Variants in SPON2 observed in about 807,000 individuals in gnomAD.
SPON2 encodes the protein spondin 2.
SPON2 carries 32 observed loss-of-function variants against 29.9 expected under a neutral mutation model. That is an observed-to-expected ratio of 1.07 (90% CI 0.81 to 1.44). The LOEUF (loss-of-function observed/expected upper bound fraction) is 1.44. SPON2 is among the 40% of genes most tolerant of loss of function. The pLI is 0.00. For missense variants in SPON2, 541 were observed against 455.5 expected, an observed-to-expected ratio of 1.19 and a Z score of -1.71; for synonymous variants, 248 against 209.1, an observed-to-expected ratio of 1.19 and a Z score of -1.61.
upstream of SPON2, among the ~76,000 whole-genome samples, chr4:1,177,915 C>G (rs13435166): frequency 0.16 from 24,100 of 152,248 alleles, 2,351 homozygotes; most frequent in African/African-American, 0.28. Flanking sequence ...TTCTGGCTCC[C>G]CCAAGGGACC....
intron 1 of SPON2, among the ~76,000 whole-genome samples, chr4:1,180,557 C>A (rs544357205): frequency 5.8e-4 from 88 of 152,302 alleles, no homozygotes; most frequent in Middle Eastern, 6.8e-3. Context: ...AGACAAGATG[C>A]TGGATGTACC....
At chr4:1,169,591 G>A (rs1229979280) in intron 5 of SPON2, among the ~76,000 whole-genome samples, 1 of 152,188 alleles carries the variant, frequency 6.6e-6, no homozygotes, top group Non-Finnish European at 1.5e-5. Flanking sequence ...CATGGCTTGG[G>A]GGGCAGGTGT....
chr4:1,176,564 TCATTCAAGCATCCATTCACACAGTA>T (rs1428514294), upstream of SPON2, among the ~76,000 whole-genome samples: 6 of 151,202 alleles, frequency 4.0e-5, no homozygotes, highest in African/African-American at 1.2e-4. Flanking sequence ...CACAGTACAT[TCATTCAAGCATCCATTCACACAGTA>T]CATTCAATCA....
Position 1,171,928 on chromosome 4 carries a change from C to G in SPON2, c.144G>C (p.Thr48=), listed in dbSNP as rs752176272. 4 of 1,612,746 alleles carry G rather than the reference C, an allele frequency of 2.5e-6. No individual in the cohort carries two copies. Among genetic ancestry groups the G allele is most frequent in the Admixed American group, 1.7e-5 (1 of 60,006 alleles). ...RALAKYSITF[T]GKWSQTAFPK... ...GGAAGGCCGTCTGGCTCCACTTGCC[C>G]GTGAAGGTGATGCTGTATTTGGCCA... is the stretch of plus-strand genomic sequence containing the variant. The change falls in exon 2 of 6, where the codon ACG becomes ACC. Residue 48 remains threonine, a synonymous_variant. Transcript: ENST00000290902.
chr4:1,170,345 G>A (rs1727382722), intron 5 of SPON2, 57 bp downstream of exon 5: 15 of 1,540,750 alleles, frequency 9.7e-6, no homozygotes, highest in East Asian at 2.3e-5. Context: ...TTTGGTGGTC[G>A]CCCTGTGGCA....
chr4:1,169,070 GCA>G, intron 5 of SPON2, among the ~76,000 whole-genome samples: 1 of 152,116 alleles, frequency 6.6e-6, no homozygotes, highest in Admixed American at 6.5e-5. Context: ...AGAGCTCATA[GCA>G]CAGTCTCTCC....
intron 1 of SPON2, chr4:1,200,999 C>T (rs754189180): frequency 5.3e-5 from 24 of 456,644 alleles, no homozygotes; most frequent in Non-Finnish European, 8.8e-5. Context: ...TGGCCCCTCC[C>T]GTGTGGACTG....
rs1727272968 is a variant in SPON2, at chr4:1,167,398, G to A, written c.*74C>T. On this transcript the variant is annotated 3_prime_UTR_variant, in exon 6 of 6. Transcript: ENST00000290902. Reference sequence around the variant, plus strand: ...AAACCCCCTGTGCCCTCGGCCGCCTGCAGCATGAGCCTGCACAGGAGCCCC... The same window carrying A: ...AAACCCCCTGTGCCCTCGGCCGCCTACAGCATGAGCCTGCACAGGAGCCCC... The A allele has an allele frequency of 1.2e-5, 17 of 1,468,028 alleles. No homozygotes were observed. The highest frequency in any genetic ancestry group is 1.5e-5 in the Non-Finnish European group (16 of 1,086,372). The allele number at this position is 1,468,028 out of a possible 1,614,324, so 90.9% of individuals were successfully genotyped here.
intron 1 of SPON2, among the ~76,000 whole-genome samples, chr4:1,184,184 G>T (rs1203287159): frequency 6.6e-6 from 1 of 152,106 alleles, no homozygotes; most frequent in African/African-American, 2.4e-5. Flanking sequence ...GCCCAGGCTG[G>T]TTTCAAACTC....
At chr4:1,167,697 G>A (rs768023939) in intron 5 of SPON2, 41 bp from the exon 6 acceptor site, 11 of 1,537,888 alleles carry the variant, frequency 7.2e-6, no homozygotes, top group Admixed American at 2.0e-5. Flanking sequence ...ACGCTCGCGT[G>A]AAGAGGCGCT....
chr4:1,195,088 C>CCTCACCTCACAGCCGGCGGT (rs1728032264), exon 1 of SPON2: 26 of 66,554 alleles, frequency 3.9e-4, no homozygotes, highest in Non-Finnish European at 5.2e-4. Context: ...CAGCCGGCGG[C>CCTCACCTCACAGCCGGCGGT]TCCAACCCCG....
intron 5 of SPON2, chr4:1,169,659 G>A (rs28486095): frequency 0.011 from 1,685 of 152,588 alleles, 24 homozygotes; most frequent in African/African-American, 0.032. Flanking sequence ...GGAGGACGAC[G>A]GGGCCCATGG....
chr4:1,207,807 A>C (rs1213128155), intron 1 of SPON2: 1 of 154,146 alleles, frequency 6.5e-6, no homozygotes, highest in African/African-American at 2.4e-5. Context: ...GCCCGTTTGA[A>C]GGTCGGGTCA....
At position 1,167,049 on chromosome 4, in the gene SPON2, G is replaced by A. The variant is rs906433121; in HGVS notation, c.*423C>T. ...TCTCAAGTGGCCCCCGCTTGGATGC[G>A]CCCTCGGGAGAGTGGGCTCAGCACA... On this transcript the variant is annotated 3_prime_UTR_variant, in exon 6 of 6. Coordinates refer to ENST00000290902, the MANE Select transcript of SPON2 (RefSeq NM_012445.4). 13 of 164,930 alleles carry A rather than the reference G, an allele frequency of 7.9e-5. No individual in the cohort carries two copies. Among genetic ancestry groups the A allele is most frequent in the African/African-American group, 2.6e-4 (11 of 41,922 alleles). 10.2% of individuals were successfully genotyped at this position (164,930 alleles called of 1,614,324 possible).
At chr4:1,170,136 A>T (rs1391647221) in intron 5 of SPON2, 2 of 422,566 alleles carry the variant, frequency 4.7e-6, no homozygotes, top group Non-Finnish European at 4.2e-6. Flanking sequence ...GACAGGACAG[A>T]GTCTCTCAGG....
At chr4:1,197,873 A>G (rs1728103384), upstream of SPON2, among the ~76,000 whole-genome samples, 1 of 152,080 alleles carries the variant, frequency 6.6e-6, no homozygotes, top group Admixed American at 6.6e-5. Context: ...ATATAGTGAA[A>G]CCGTGTCTTT....
rs1312863277 is a variant in SPON2 at position 1,171,882 on chromosome 4, G to T, written c.190C>A (p.Arg64Ser). 2 of 1,612,850 alleles carry T rather than the reference G, an allele frequency of 1.2e-6. No individual in the cohort carries two copies. Among genetic ancestry groups the T allele is most frequent in the Non-Finnish European group, 8.5e-7 (1 of 1,179,852 alleles). Residue 64 changes from arginine to serine, a missense_variant, in exon 2 of 6, where the codon CGC (arginine) becomes AGC (serine). Arg to Ser is a moderately radical substitution (Grantham distance 110). Coordinates refer to ENST00000290902, the MANE Select transcript of SPON2 (RefSeq NM_012445.4). ...AGCGAAGACCACTGCGCAGGGGGGC[G>T]GAACAGGGGGTACTGCTTGGGGAAG... ...TAFPKQYPLF[R>S]PPAQWSSLLG...
In SPON2 at chr4:1,167,551, C is replaced by G; in HGVS notation, c.917G>C (p.Arg306Pro). The change falls in exon 6 of 6, where the codon CGG becomes CCG. Residue 306 changes from arginine (R) to proline (P), a missense_variant. Arg to Pro is a moderately radical substitution (Grantham distance 103). Transcript: ENST00000290902. ...LGTKSRTRYV[R>P]VQPANNGSPC... ...GCTCCCGTTGTTGGCGGGCTGGACC[C>G]GGACGTAGCGAGTCCTGCTCTTGGT... is the stretch of plus-strand genomic sequence containing the variant. 1 of 1,613,612 alleles carries G rather than the reference C, an allele frequency of 6.2e-7. No individual in the cohort carries two copies. Among genetic ancestry groups the G allele is most frequent in the Non-Finnish European group, 8.5e-7 (1 of 1,180,008 alleles).
At chr4:1,187,873 T>C (rs1476619495) in intron 1 of SPON2, among the ~76,000 whole-genome samples, 1 of 152,108 alleles carries the variant, frequency 6.6e-6, no homozygotes, top group Non-Finnish European at 1.5e-5. Context: ...CACTGCCCTT[T>C]GAAAATGTTT....
Sources: allele counts gnomAD v4.1 joint callset (sites outside exome capture counted in the v4.1 genomes callset), GRCh38; gene constraint gnomAD v4.1.1; transcripts MANE v1.5; gene names NCBI Gene and HGNC (gene_info 2026-07-23, HGNC 2026-07-21).